MINK1: variants seen among roughly 807,000 people sequenced by gnomAD.
MINK1 encodes misshapen like kinase 1.
In MINK1, 46 loss-of-function variants were observed where a neutral mutation model predicts 178.4. The ratio of observed to expected loss-of-function variants is 0.26; its 90% CI spans 0.20 to 0.33. MINK1 has a LOEUF of 0.33. Ranked by LOEUF, MINK1 falls within the 10% of genes least tolerant of loss-of-function variation. The pLI is 1.00. For synonymous variants in MINK1, 797 were observed against 709.7 expected (o/e 1.12, Z -1.96); for missense variants, 1,366 against 1,814.9 (o/e 0.75, Z 4.49).
In MINK1 at chr17:4,891,619, C is replaced by T. The variant is rs1188651046; in HGVS notation, c.1904C>T (p.Ala635Val). 6.2e-7 allele frequency: 1 copy of T among 1,602,528 alleles called. No individual in the cohort carries two copies. The highest frequency in any genetic ancestry group is 8.5e-7 in the Non-Finnish European group (1 of 1,175,226). ...APTATPSARG[A>V]VIRQNSDPTS... is the part of the protein sequence containing the mutation. ...ACTGCCACGCCCAGTGCCCGAGGAGCTGTCATCCGCCAGAATTCAGACCCC... is the reference window on the plus strand; with the variant it reads ...ACTGCCACGCCCAGTGCCCGAGGAGTTGTCATCCGCCAGAATTCAGACCCC... Residue 635 changes from alanine to valine, a missense_variant, in exon 16 of 32, where the codon GCT becomes GTT. By Grantham distance (64) the Ala-to-Val change is moderately conservative (BLOSUM62 0). Transcript: ENST00000355280.
At position 4,886,562 on chromosome 17, in the gene MINK1, G is replaced by A; in HGVS notation, c.885G>A (p.Glu295=). 6.2e-7 allele frequency: 1 copy of A among 1,613,210 alleles called. No individual in the cohort carries two copies. The highest frequency in any genetic ancestry group is 1.1e-5 in the South Asian group (1 of 91,062). ...KFPFIRDQPT[E]RQVRIQLKDH... ...CCTTCATCCGGGACCAGCCCACGGA[G>A]CGGCAGGTCCGCATCCAGCTTAAGG... Residue 295 remains glutamate, a synonymous_variant, in exon 10 of 32, where the codon GAG becomes GAA. Transcript: ENST00000355280. The surrounding 1 kb of genome is among the most constrained non-coding windows in gnomAD (Gnocchi z 6.1).
At chr17:4,873,839 C>T (rs1274791619) in intron 1 of MINK1, among the ~76,000 whole-genome samples, 2 of 151,958 alleles carry the variant, frequency 1.3e-5, no homozygotes, top group East Asian at 1.9e-4. Context: ...AGGCTGGTCT[C>T]GAACTCCTGA....
intron 1 of MINK1, among the ~76,000 whole-genome samples, chr17:4,838,582 G>A (rs553682385): frequency 2.2e-4 from 34 of 152,308 alleles, no homozygotes; most frequent in African/African-American, 8.2e-4. Flanking sequence ...GGGACATGAT[G>A]GCAGGAAGTG....
Position 4,895,460 on chromosome 17 carries a change from C to T in MINK1, c.3196C>T (p.Leu1066=). The change falls in exon 26 of 32, where the codon CTG becomes TTG. Residue 1066 remains leucine (L), a synonymous_variant. Transcript: ENST00000355280. The surrounding 1 kb of genome is among the most constrained non-coding windows in gnomAD (Gnocchi z 4.3). ...GRRRFQQMDV[L]EGLNLLITIS... is the part of the protein sequence containing the mutation. ...GCGACGCTTCCAGCAGATGGATGTGCTGGAGGGGCTCAACCTGCTCATCAC... is the reference window on the plus strand; with the variant it reads ...GCGACGCTTCCAGCAGATGGATGTGTTGGAGGGGCTCAACCTGCTCATCAC... 2 of 1,599,164 alleles carry T rather than the reference C, an allele frequency of 1.3e-6. No homozygotes were observed. Among genetic ancestry groups the T allele is most frequent in the Non-Finnish European group, 1.7e-6 (2 of 1,171,550 alleles).
In MINK1 at chr17:4,896,068, GC is replaced by G; in HGVS notation, c.3435del (p.Lys1146AsnfsTer24). 6.2e-7 allele frequency: 1 copy of G among 1,607,790 alleles called. No homozygotes were observed. The highest frequency in any genetic ancestry group is 8.5e-7 in the Non-Finnish European group (1 of 1,177,104). On this transcript the variant is annotated frameshift_variant, in exon 28 of 32. Transcript: ENST00000355280. LOFTEE classifies it high-confidence loss of function. This position sits in a 1 kb window ranked among gnomAD's most constrained non-coding sequence, Gnocchi z 4.6. ...LKSSVEVYAW[A>X]PKPYHKFMAF... ...GAGCTCCGTGGAGGTGTATGCCTGG[GC>G]CCCCAAACCCTACCACAAATTCATG... is the stretch of plus-strand genomic sequence containing the variant.
intron 1 of MINK1, among the ~76,000 whole-genome samples, chr17:4,866,933 C>T (rs1235035484): frequency 6.6e-6 from 1 of 151,474 alleles, no homozygotes; most frequent in East Asian, 1.9e-4. Flanking sequence ...ATTAGCCGGG[C>T]GTGGTGGCGG....
intron 1 of MINK1, chr17:4,834,778 G>A (rs1424182885): frequency 1.9e-6 from 1 of 519,964 alleles, no homozygotes; most frequent in Non-Finnish European, 3.8e-6. Context: ...CCCATCTCTA[G>A]GTTCGCTTCT....
intron 1 of MINK1, 25 bp from the exon 2 acceptor site, chr17:4,878,292 G>C: frequency 6.5e-7 from 1 of 1,533,932 alleles, no homozygotes; most frequent in Non-Finnish European, 8.7e-7. Flanking sequence ...TCTTGACACA[G>C]TATTCTTCTG....
intron 1 of MINK1, among the ~76,000 whole-genome samples, chr17:4,848,572 G>A (rs993836298): frequency 2.6e-5 from 4 of 152,218 alleles, no homozygotes; most frequent in Non-Finnish European, 5.9e-5. Flanking sequence ...GTGTTAGCCA[G>A]GATGGTCTCC....
chr17:4,878,818 C>T (rs1017980434), intron 2 of MINK1, among the ~76,000 whole-genome samples: 1 of 152,238 alleles, frequency 6.6e-6, no homozygotes, highest in Admixed American at 6.5e-5. Flanking sequence ...CCTCTGCTCC[C>T]ACAGCTGGCC....
chr17:4,880,431 G>A lies in MINK1; in HGVS notation c.124-553G>A, dbSNP rs573516093. On this transcript the variant is annotated intron_variant, in intron 2 of 31. Transcript: ENST00000355280. Reference sequence around the variant, plus strand: ...CTCCTGAGTAGCTGGGATTATAGGCGCCCACCATGACACCCAGCTAATTTT... The same window carrying A: ...CTCCTGAGTAGCTGGGATTATAGGCACCCACCATGACACCCAGCTAATTTT... Among the ~76,000 whole-genome samples the A allele has an allele frequency of 3.4e-3, 515 of 150,392 alleles. 2 individuals are homozygous for A. Among genetic ancestry groups the A allele is most frequent in the Non-Finnish European group, 6.3e-3 (428 of 67,604 alleles).
rs1969520914 is a variant in MINK1 at position 4,896,626 on chromosome 17, G to C, written c.3775+38G>C. The C allele has an allele frequency of 1.9e-6, 3 of 1,611,616 alleles. No homozygotes were observed. Among genetic ancestry groups the C allele is most frequent in the Admixed American group, 1.7e-5 (1 of 59,900 alleles). On this transcript the variant is annotated intron_variant, in intron 30 of 31. Transcript: ENST00000355280. This position sits in a 1 kb window ranked among gnomAD's most constrained non-coding sequence, Gnocchi z 4.6. ...CCGCCCTCCCAGCCACATGCCCCGA[G>C]GTGGCCCCGGGGTGCAGCCTGCTCA...
At position 4,836,402 on chromosome 17, in the gene MINK1, C is replaced by T. The variant is rs1909313781; in HGVS notation, c.57+2762C>T. On this transcript the variant is annotated intron_variant, in intron 1 of 31. Coordinates refer to ENST00000355280, the MANE Select transcript of MINK1 (RefSeq NM_153827.5). This position sits in a 1 kb window ranked among gnomAD's most constrained non-coding sequence, Gnocchi z 4.3. The stretch of plus-strand genomic sequence containing the variant: ...CTGCTACTTTGTAGCCACAGCCACA[C>T]TTGACCTCTTTGAGGTTCCTTTTCT... 6.6e-6 allele frequency among the ~76,000 whole-genome samples: 1 copy of T among 152,202 alleles called. No individual in the cohort carries two copies. Among genetic ancestry groups the T allele is most frequent in the Admixed American group, 6.5e-5 (1 of 15,278 alleles).
At chr17:4,841,040 G>A (rs1910141557) in intron 1 of MINK1, among the ~76,000 whole-genome samples, 1 of 152,144 alleles carries the variant, frequency 6.6e-6, no homozygotes, top group Non-Finnish European at 1.5e-5. Context: ...CTTTGACAGA[G>A]GAGATAGCTG....
At position 4,896,177 on chromosome 17, in the gene MINK1, C is replaced by G. The variant is rs1392288677; in HGVS notation, c.3466-16C>G. On this transcript the variant is annotated splice_polypyrimidine_tract_variant and intron_variant, in intron 28 of 31. Transcript: ENST00000355280. This position sits in a 1 kb window ranked among gnomAD's most constrained non-coding sequence, Gnocchi z 4.6. The stretch of plus-strand genomic sequence containing the variant: ...CCCCGTGCCCCTGAGCCCTCCTCTC[C>G]TCCGGTTCTCTGCAGTCCTTTGCCG... The G allele has an allele frequency of 6.3e-7, 1 of 1,599,774 alleles. No individual in the cohort carries two copies. Among genetic ancestry groups the G allele is most frequent in the East Asian group, 2.2e-5 (1 of 44,754 alleles).
chr17:4,889,769 G>GCGCCGCAA lies in MINK1; in HGVS notation c.1347+13_1347+14insACGCCGCA. ...GGCAGGCGGAGCGCGAGCAGGTAGA[G>GCGCCGCAA]CGCCGCACCCGCATCCCTGCCCTCC... On this transcript the variant is annotated splice_region_variant and intron_variant, in intron 13 of 31. Coordinates refer to ENST00000355280, the MANE Select transcript of MINK1 (RefSeq NM_153827.5). 6.5e-7 allele frequency: 1 copy of GCGCCGCAA among 1,527,822 alleles called. No homozygotes were observed. The highest frequency in any genetic ancestry group is 2.3e-4 in the Middle Eastern group (1 of 4,326). The allele number at this position is 1,527,822 out of a possible 1,614,324, so 94.6% of individuals were successfully genotyped here.
At chr17:4,871,687 C>A (rs554467202) in intron 1 of MINK1, among the ~76,000 whole-genome samples, 1 of 152,198 alleles carries the variant, frequency 6.6e-6, no homozygotes, top group East Asian at 1.9e-4. Flanking sequence ...TGAGTATCTA[C>A]CTAGAAGTGG....
In MINK1 at chr17:4,895,780, G is replaced by A; in HGVS notation, c.3312G>A (p.Lys1104=). 1 of 1,613,792 alleles carries A rather than the reference G, an allele frequency of 6.2e-7. No individual in the cohort carries two copies. Among genetic ancestry groups the A allele is most frequent in the South Asian group, 1.1e-5 (1 of 91,072 alleles). ...ILHNDPEVEK[K]QGWTTVGDME... ...ACAATGACCCAGAAGTGGAGAAGAA[G>A]CAGGGCTGGACCACCGTGGGGGACA... The change falls in exon 27 of 32, where the codon AAG becomes AAA. Residue 1104 remains lysine, a synonymous_variant. Transcript: ENST00000355280. The surrounding 1 kb of genome is among the most constrained non-coding windows in gnomAD (Gnocchi z 4.3).
chr17:4,881,307 G>A (rs543245888), intron 4 of MINK1, 50 bp downstream of exon 4: 10 of 1,525,340 alleles, frequency 6.6e-6, no homozygotes, highest in Admixed American at 3.9e-5. Flanking sequence ...CCCTGTCTCC[G>A]GGCTGTTCAC....
Sources: gnomAD v4.1 joint callset for allele counts (sites outside exome capture counted in the v4.1 genomes callset) on GRCh38, gnomAD v4.1.1 for gene constraint, Gnocchi (gnomAD v3.1) non-coding constraint, MANE v1.5 for transcripts, NCBI Gene and HGNC (gene_info 2026-07-23, HGNC 2026-07-21) for gene names.